The following HS6ST3 variants were observed in gnomAD, a reference collection of about 807,000 sequenced individuals.
HS6ST3 encodes heparan sulfate 6-O-sulfotransferase 3, also known as heparan-sulfate 6-O-sulfotransferase 3.
Under a neutral mutation model 36.7 loss-of-function variants are expected in HS6ST3, and 12 were observed. That is an observed-to-expected ratio of 0.33 (90% CI 0.21 to 0.53). HS6ST3 has a LOEUF of 0.53. Ranked by LOEUF, HS6ST3 falls within the 20% of genes least tolerant of loss-of-function variation. The probability of loss-of-function intolerance (pLI) is 0.95; values close to 1 mark genes in which losing one functional copy is unlikely to be tolerated. For synonymous variants in HS6ST3, 240 were observed against 257.5 expected (o/e 0.93, Z 0.65); for missense variants, 584 against 640.9 (o/e 0.91, Z 0.96).
chr13:96,199,128 G>A (rs2054328957), intron 1 of HS6ST3, among the ~76,000 whole-genome samples: 1 of 152,124 alleles, frequency 6.6e-6, no homozygotes, highest in South Asian at 2.1e-4. Context: ...GAAAAGACTG[G>A]TCCCCATGAT....
intron 1 of HS6ST3, among the ~76,000 whole-genome samples, chr13:96,827,858 A>G (rs538231564): frequency 1.3e-5 from 2 of 152,326 alleles, no homozygotes; most frequent in East Asian, 1.9e-4. Flanking sequence ...ATGGTACTGG[A>G]AGGTCCATGG....
chr13:96,237,726 T>C (rs1183951667), intron 1 of HS6ST3, among the ~76,000 whole-genome samples: 1 of 152,238 alleles, frequency 6.6e-6, no homozygotes, highest in Non-Finnish European at 1.5e-5. Flanking sequence ...ATGAGCTTTG[T>C]ATGGGTTAAT....
chr13:96,475,572 A>G (rs956014840), intron 1 of HS6ST3, among the ~76,000 whole-genome samples: 12 of 150,898 alleles, frequency 8.0e-5, no homozygotes, highest in African/African-American at 3.0e-4. Context: ...GCCGGAATAC[A>G]GCTCTGAGAA....
intron 1 of HS6ST3, among the ~76,000 whole-genome samples, chr13:96,692,361 A>T (rs1416866321): frequency 6.6e-6 from 1 of 152,114 alleles, no homozygotes; most frequent in African/African-American, 2.4e-5. Flanking sequence ...TTGTTATAAC[A>T]TATTATTTAG....
chr13:96,512,152 T>G (rs2056052543), intron 1 of HS6ST3, among the ~76,000 whole-genome samples: 1 of 152,068 alleles, frequency 6.6e-6, no homozygotes, highest in Non-Finnish European at 1.5e-5. Flanking sequence ...TGAACAGGAG[T>G]GGTGAAAGTA....
chr13:96,811,855 C>T (rs1014267538), intron 1 of HS6ST3, among the ~76,000 whole-genome samples: 3 of 152,138 alleles, frequency 2.0e-5, no homozygotes, highest in Non-Finnish European at 4.4e-5. Context: ...AGCTACCAAA[C>T]TCAATTTCTA....
intron 1 of HS6ST3, among the ~76,000 whole-genome samples, chr13:96,125,422 C>T (rs1180100382): frequency 1.3e-5 from 2 of 152,112 alleles, no homozygotes; most frequent in East Asian, 3.9e-4. Flanking sequence ...TTGCATTGAT[C>T]TTAACTTTAG....
chr13:96,123,797 T>C (rs963159457), intron 1 of HS6ST3, among the ~76,000 whole-genome samples: 26 of 152,330 alleles, frequency 1.7e-4, no homozygotes, highest in African/African-American at 6.0e-4. Flanking sequence ...CGATTGCCTT[T>C]ATAACTCATC....
chr13:96,260,489 AT>A (rs1485032110), intron 1 of HS6ST3, among the ~76,000 whole-genome samples: 6 of 148,098 alleles, frequency 4.1e-5, no homozygotes, highest in African/African-American at 7.5e-5. Context: ...TTTTTAAAAT[AT>A]TTTTACTAGA....
chr13:96,491,391 A>G (rs2055944613), intron 1 of HS6ST3, among the ~76,000 whole-genome samples: 1 of 151,632 alleles, frequency 6.6e-6, no homozygotes, highest in African/African-American at 2.4e-5. Flanking sequence ...GAAAGTGAGG[A>G]CATACTTTGT....
chr13:96,270,928 T>A (rs901316998), intron 1 of HS6ST3, among the ~76,000 whole-genome samples: 6 of 152,024 alleles, frequency 3.9e-5, no homozygotes, highest in Admixed American at 3.9e-4. Flanking sequence ...CTACCAACTT[T>A]CAGAGCTCAA....
At chr13:96,796,728 A>G (rs889980189) in intron 1 of HS6ST3, among the ~76,000 whole-genome samples, 3 of 152,122 alleles carry the variant, frequency 2.0e-5, no homozygotes, top group Non-Finnish European at 2.9e-5. Flanking sequence ...ACGTGAAAGT[A>G]CCAAGAAATG....
intron 1 of HS6ST3, among the ~76,000 whole-genome samples, chr13:96,565,051 A>G (rs1256372275): frequency 6.6e-6 from 1 of 152,012 alleles, no homozygotes; most frequent in African/African-American, 2.4e-5. Context: ...GGAAGATCTC[A>G]AACATGGAGA....
At chr13:96,447,837 C>T (rs186205370) in intron 1 of HS6ST3, among the ~76,000 whole-genome samples, 1 of 152,302 alleles carries the variant, frequency 6.6e-6, no homozygotes, top group East Asian at 1.9e-4. Flanking sequence ...CCCTCTGTCT[C>T]TGTACAGGGA....
chr13:96,776,804 C>T (rs903016946), intron 1 of HS6ST3, among the ~76,000 whole-genome samples: 1 of 152,076 alleles, frequency 6.6e-6, no homozygotes, highest in Non-Finnish European at 1.5e-5. Flanking sequence ...CTATTCCAAA[C>T]AATAGAAACA....
chr13:96,386,576 TA>T (rs2055369119), intron 1 of HS6ST3, among the ~76,000 whole-genome samples: 1 of 152,040 alleles, frequency 6.6e-6, no homozygotes, highest in Non-Finnish European at 1.5e-5. Flanking sequence ...CAATAAAAAA[TA>T]AAAAATTGGC....
intron 1 of HS6ST3, among the ~76,000 whole-genome samples, chr13:96,632,318 TTTG>T (rs949902327): frequency 6.6e-6 from 1 of 150,528 alleles, no homozygotes; most frequent in South Asian, 2.1e-4. Context: ...TGTGTTTTTT[TTTG>T]TTTGTTTGTT....
rs565529826 is a variant in HS6ST3, at chr13:96,264,805, C to T, written c.707+173236C>T. ...AGGTATAAGGCTTGGTTTGTACAGC[C>T]TTTTTAAAAATTATTTGCCAGTGTT... On this transcript the variant is annotated intron_variant, in intron 1 of 1. Transcript: ENST00000376705. Among the ~76,000 whole-genome samples the T allele has an allele frequency of 2.0e-5, 3 of 152,140 alleles. No individual in the cohort carries two copies. In the East Asian group the frequency reaches 5.8e-4, roughly 29 times the overall value.
In HS6ST3 at chr13:96,255,886, A is replaced by G. The variant is rs7981687; in HGVS notation, c.707+164317A>G. On this transcript the variant is annotated intron_variant, in intron 1 of 1. Transcript: ENST00000376705. ...ACCTGCACCTCAAATTGAAGGCACA[A>G]TGTTTGACCCTAGTTCTGTCATTTA... 1.3e-3 allele frequency among the ~76,000 whole-genome samples: 204 copies of G among 152,282 alleles called. 1 individual carries two copies. Among genetic ancestry groups the G allele is most frequent in the African/African-American group, 4.8e-3 (201 of 41,568 alleles).
Sources: gnomAD v4.1 joint callset for allele counts (sites outside exome capture counted in the v4.1 genomes callset) on GRCh38, gnomAD v4.1.1 for gene constraint, MANE v1.5 for transcripts, NCBI Gene and HGNC (gene_info 2026-07-23, HGNC 2026-07-21) for gene names.